The following SORCS3 variants were observed in gnomAD, a reference collection of about 807,000 sequenced individuals.
SORCS3 encodes sortilin related VPS10 domain containing receptor 3.
Under a neutral mutation model 146.3 loss-of-function variants are expected in SORCS3, and 57 were observed. The ratio of observed to expected loss-of-function variants is 0.39; its 90% CI spans 0.31 to 0.49. SORCS3 has a LOEUF of 0.49. SORCS3 is among the 20% of genes least tolerant of loss of function. SORCS3 has a pLI of 0.92. For synonymous variants in SORCS3, 653 were observed against 618.5 expected (o/e 1.06, Z -0.83); for missense variants, 1,341 against 1,575.5 (o/e 0.85, Z 2.52).
intron 4 of SORCS3, among the ~76,000 whole-genome samples, chr10:105,031,746 T>G (rs2055268943): frequency 6.6e-6 from 1 of 152,222 alleles, no homozygotes; most frequent in African/African-American, 2.4e-5. Flanking sequence ...GAAGAATGTC[T>G]CATTGTCCTC....
intron 1 of SORCS3, among the ~76,000 whole-genome samples, chr10:104,824,076 T>G (rs545943998): frequency 6.6e-6 from 1 of 152,146 alleles, no homozygotes; most frequent in Admixed American, 6.5e-5. Context: ...CCACAAGGAA[T>G]GTAGAACACA....
intron 1 of SORCS3, among the ~76,000 whole-genome samples, chr10:104,651,257 T>C (rs2015554924): frequency 6.6e-6 from 1 of 152,162 alleles, no homozygotes; most frequent in South Asian, 2.1e-4. Context: ...CTAAAGCGTC[T>C]TTTCTGTCAT....
intron 2 of SORCS3, among the ~76,000 whole-genome samples, chr10:104,876,383 A>T (rs533535277): frequency 6.6e-6 from 1 of 152,150 alleles, no homozygotes; most frequent in Non-Finnish European, 1.5e-5. Context: ...AGCAAGTTAG[A>T]TTCCAAAATA....
intron 1 of SORCS3, among the ~76,000 whole-genome samples, chr10:104,826,192 G>A (rs1405256513): frequency 6.6e-6 from 1 of 152,124 alleles, no homozygotes. Flanking sequence ...CATTATCTGT[G>A]TAATACACAT....
chr10:104,786,454 A>T (rs1227966304), intron 1 of SORCS3, among the ~76,000 whole-genome samples: 1 of 151,798 alleles, frequency 6.6e-6, no homozygotes, highest in Non-Finnish European at 1.5e-5. Context: ...ATGCTGAGGC[A>T]GGAGAATCGC....
At chr10:105,057,192 G>A (rs1016008378) in intron 5 of SORCS3, among the ~76,000 whole-genome samples, 4 of 152,114 alleles carry the variant, frequency 2.6e-5, no homozygotes, top group African/African-American at 9.7e-5. Context: ...GAAGGCTTGG[G>A]ATGCTTAGTG....
chr10:105,121,704 TAACC>T (rs1265281846), intron 7 of SORCS3, among the ~76,000 whole-genome samples: 1 of 152,206 alleles, frequency 6.6e-6, no homozygotes, highest in African/African-American at 2.4e-5. Flanking sequence ...TCTGCATCAT[TAACC>T]AAAGAAAGGC....
chr10:104,787,224 G>C (rs2017447459), intron 1 of SORCS3, among the ~76,000 whole-genome samples: 1 of 152,196 alleles, frequency 6.6e-6, no homozygotes, highest in African/African-American at 2.4e-5. Flanking sequence ...TGGGATTGGG[G>C]AGGATAATCA....
chr10:105,195,451 G>C (rs191678674), intron 14 of SORCS3, among the ~76,000 whole-genome samples: 1 of 152,264 alleles, frequency 6.6e-6, no homozygotes, highest in East Asian at 1.9e-4. Context: ...TACTTCCACA[G>C]ATCTTGTTGT....
intron 16 of SORCS3, among the ~76,000 whole-genome samples, chr10:105,206,657 T>G (rs1273912353): frequency 6.6e-6 from 1 of 152,222 alleles, no homozygotes; most frequent in Non-Finnish European, 1.5e-5. Flanking sequence ...GATTGTTGGA[T>G]TTTCCAAGCA....
intron 6 of SORCS3, among the ~76,000 whole-genome samples, chr10:105,091,376 T>C (rs1474180846): frequency 1.8e-5 from 1 of 55,454 alleles, no homozygotes; most frequent in Non-Finnish European, 3.7e-5. Context: ...CCCTCCCTCC[T>C]TCCCTCCTTC....
chr10:105,003,871 T>G (rs1997065), intron 4 of SORCS3, among the ~76,000 whole-genome samples: 9,679 of 152,248 alleles, frequency 0.064, 334 homozygotes, highest in Middle Eastern at 0.085. Context: ...AGACAGGCTA[T>G]GCTTCTTGTG....
intron 5 of SORCS3, among the ~76,000 whole-genome samples, chr10:105,088,515 C>T (rs1453216504): frequency 8.4e-6 from 1 of 119,506 alleles, no homozygotes; most frequent in East Asian, 1.9e-4. Flanking sequence ...CCACTTGCTG[C>T]CGAAGTAATA....
intron 5 of SORCS3, among the ~76,000 whole-genome samples, chr10:105,083,741 A>G (rs2055640616): frequency 6.6e-6 from 1 of 152,118 alleles, no homozygotes; most frequent in African/African-American, 2.4e-5. Context: ...TACCTTCAAT[A>G]TGAGTGACTT....
At chr10:104,809,865 T>G (rs1464924939) in intron 1 of SORCS3, among the ~76,000 whole-genome samples, 1 of 152,230 alleles carries the variant, frequency 6.6e-6, no homozygotes, top group Non-Finnish European at 1.5e-5. Context: ...TGTAGCCTGT[T>G]AGTGGTGAAA....
chr10:105,106,549 A>G (rs963994912), intron 7 of SORCS3, among the ~76,000 whole-genome samples: 1 of 152,084 alleles, frequency 6.6e-6, no homozygotes, highest in African/African-American at 2.4e-5. Flanking sequence ...CACACAGTTG[A>G]CCCCTCTCCC....
chr10:105,049,071 T>G (rs1184490121), intron 5 of SORCS3, among the ~76,000 whole-genome samples: 1 of 152,140 alleles, frequency 6.6e-6, no homozygotes, highest in African/African-American at 2.4e-5. Flanking sequence ...AGAATTATTT[T>G]CTTGGACCAG....
At chr10:105,154,085 A>AAAAAAG (rs2056188526) in intron 9 of SORCS3, among the ~76,000 whole-genome samples, 1 of 151,136 alleles carries the variant, frequency 6.6e-6, no homozygotes, top group African/African-American at 2.4e-5. Context: ...AAAAAAAAAA[A>AAAAAAG]AAAGAAACTT....
chr10:104,878,630 G>A (rs1443218968), intron 2 of SORCS3, among the ~76,000 whole-genome samples: 1 of 152,102 alleles, frequency 6.6e-6, no homozygotes, highest in African/African-American at 2.4e-5. Flanking sequence ...TTTATATGAT[G>A]AAATACAATG....
Sources: allele counts gnomAD v4.1 joint callset (sites outside exome capture counted in the v4.1 genomes callset), GRCh38; gene constraint gnomAD v4.1.1; transcripts MANE v1.5; gene names NCBI Gene and HGNC (gene_info 2026-07-23, HGNC 2026-07-21).